The following SENP1 variants were observed in gnomAD, a reference collection of about 807,000 sequenced individuals.
The protein encoded by SENP1 is sentrin-specific protease 1.
SENP1 carries 21 observed loss-of-function variants against 93.0 expected under a neutral mutation model. The ratio of observed to expected loss-of-function variants is 0.23; its 90% CI spans 0.16 to 0.33. The LOEUF (loss-of-function observed/expected upper bound fraction) is 0.33, where lower values mean the gene tolerates loss of function less well. Among genes scored for constraint, SENP1 ranks in the 10% least tolerant of loss-of-function variants. SENP1 has a pLI of 1.00. For synonymous variants in SENP1, 256 were observed against 259.6 expected (o/e 0.99, Z 0.13); for missense variants, 591 against 758.7 (o/e 0.78, Z 2.60).
chr12:48,092,026 A>AG (rs1354843625), intron 4 of SENP1, among the ~76,000 whole-genome samples: 1 of 152,182 alleles, frequency 6.6e-6, no homozygotes, highest in East Asian at 1.9e-4. Context: ...TTTTAAAAAA[A>AG]TCAATGTTTT....
At chr12:48,047,267 A>G (rs1330314061) in intron 15 of SENP1, among the ~76,000 whole-genome samples, 5 of 152,108 alleles carry the variant, frequency 3.3e-5, no homozygotes, top group Non-Finnish European at 5.9e-5. Context: ...GTCTCTTCTA[A>G]TGTCCACTCT....
At chr12:48,105,942 C>T (rs1946532943) in intron 1 of SENP1, 86 bp downstream of exon 1, 6 of 690,194 alleles carry the variant, frequency 8.7e-6, no homozygotes, top group East Asian at 2.7e-5. Flanking sequence ...CAGTCCAGCC[C>T]GGGCCGGCTG....
In SENP1 at chr12:48,088,875, G is replaced by T; in HGVS notation, c.306C>A (p.Thr102=). The change falls in exon 5 of 18, where the codon ACC becomes ACA. Residue 102 remains threonine (T), a synonymous_variant. Transcript: ENST00000549518. The part of the protein sequence containing the change: ...QSANGQWRNS[T]PSSSSSLQKS... ...TTTGTAAAGATGAGCTTGACGATGG[G>T]GTAGAATTTCTCCATTGGCCATTTG... 6.2e-7 allele frequency: 1 copy of T among 1,604,252 alleles called. No individual in the cohort carries two copies. The highest frequency in any genetic ancestry group is 8.5e-7 in the Non-Finnish European group (1 of 1,174,970).
In SENP1 at chr12:48,098,057, G is replaced by C; in HGVS notation, c.72C>G (p.Phe24Leu). 2 of 1,613,634 alleles carry C rather than the reference G, an allele frequency of 1.2e-6. No individual in the cohort carries two copies. The highest frequency in any genetic ancestry group is 1.3e-5 in the African/African-American group (1 of 75,034). ...CTGTTTGTGGCAGGAGGTGGGTTTT[G>C]AATACGGAGTTGTGGTTCACTAAAG... ...EVTLVNHNSV[F>L]KTHLLPQTGF... Residue 24 changes from phenylalanine (F) to leucine (L), a missense_variant, in exon 3 of 18, where the codon TTC (phenylalanine) becomes TTG (leucine). Phe to Leu is a conservative substitution (Grantham distance 22). Around this residue, in one of 4 missense-constraint regions of SENP1, gnomAD observed 214 missense variants for 243.4 expected, o/e 0.88. Transcript: ENST00000549518.
At chr12:48,092,890 AG>A (rs1945302987) in intron 4 of SENP1, among the ~76,000 whole-genome samples, 1 of 152,210 alleles carries the variant, frequency 6.6e-6, no homozygotes, top group Non-Finnish European at 1.5e-5. Flanking sequence ...GTGAATATCA[AG>A]GGTTTACTAA....
intron 1 of SENP1, chr12:48,105,340 G>A: frequency 1.9e-6 from 1 of 515,870 alleles, no homozygotes. Flanking sequence ...AAAGAGAAAC[G>A]AGGCATAGAT....
intron 11 of SENP1, 142 bp from the exon 12 acceptor site, chr12:48,065,362 CA>C (rs1565760486): frequency 1.4e-6 from 1 of 726,894 alleles, no homozygotes; most frequent in South Asian, 2.0e-5. Context: ...TTTGTAAAGT[CA>C]AAAAATCATT....
At chr12:48,076,604 T>C (rs565672165) in intron 6 of SENP1, among the ~76,000 whole-genome samples, 15 of 151,982 alleles carry the variant, frequency 9.9e-5, no homozygotes, top group African/African-American at 3.1e-4. Flanking sequence ...AGTGCTGGGA[T>C]TACAGGCATG....
rs1460492726 is a variant in SENP1 at position 48,043,692 on chromosome 12, T to TC, written c.*1629dup. 6.6e-6 allele frequency: 1 copy of TC among 152,604 alleles called. No homozygotes were observed. The highest frequency in any genetic ancestry group is 1.5e-5 in the Non-Finnish European group (1 of 68,030). 9.5% of individuals were successfully genotyped at this position (152,604 alleles called of 1,614,324 possible). A position where few individuals can be genotyped will look rare whatever the true frequency, so the allele number is the denominator to read the frequency against. On this transcript the variant is annotated 3_prime_UTR_variant, in exon 18 of 18. Transcript: ENST00000549518. ...AAACAAACACACAAAAGGTGGTCTT[T>TC]CCCCAAAAGGCAGGCAGTTGAAGGG...
At chr12:48,088,077 G>A (rs925995259) in intron 5 of SENP1, among the ~76,000 whole-genome samples, 21 of 149,414 alleles carry the variant, frequency 1.4e-4, no homozygotes, top group Non-Finnish European at 2.2e-4. Context: ...TTTCTGAGAC[G>A]AGGTCACTCT....
intron 13 of SENP1, chr12:48,055,537 C>G (rs894143902): frequency 6.6e-6 from 1 of 152,102 alleles, no homozygotes; most frequent in African/African-American, 2.4e-5. Context: ...CGGAAATTTG[C>G]TGGCCTCCCC....
chr12:48,061,741 T>C (rs1942972633), intron 13 of SENP1, among the ~76,000 whole-genome samples: 1 of 152,164 alleles, frequency 6.6e-6, no homozygotes, highest in South Asian at 2.1e-4. Flanking sequence ...TATCAATACT[T>C]AAGGATACCT....
At chr12:48,047,640 T>G (rs1231954581) in intron 15 of SENP1, among the ~76,000 whole-genome samples, 1 of 152,128 alleles carries the variant, frequency 6.6e-6, no homozygotes, top group Non-Finnish European at 1.5e-5. Flanking sequence ...ATAAAGAGAT[T>G]TGCATTCTGG....
chr12:48,048,519 A>G (rs916221255), intron 14 of SENP1, among the ~76,000 whole-genome samples: 1 of 152,214 alleles, frequency 6.6e-6, no homozygotes, highest in Non-Finnish European at 1.5e-5. Context: ...ACAGACTGTG[A>G]AATAGTTTTA....
At chr12:48,054,320 C>T (rs200174388) in intron 13 of SENP1, among the ~76,000 whole-genome samples, 2 of 152,184 alleles carry the variant, frequency 1.3e-5, no homozygotes, top group African/African-American at 4.8e-5. Context: ...ATTTAGGTTG[C>T]TAAGCCTTCT....
At chr12:48,068,164 C>T (rs1217632033) in intron 9 of SENP1, among the ~76,000 whole-genome samples, 1 of 152,092 alleles carries the variant, frequency 6.6e-6, no homozygotes, top group Non-Finnish European at 1.5e-5. Context: ...CATGAGCCAC[C>T]ATGCCCAGCC....
intron 5 of SENP1, chr12:48,085,251 A>G (rs922614218): frequency 1.9e-6 from 3 of 1,552,274 alleles, no homozygotes; most frequent in African/African-American, 1.4e-5. Context: ...CACTGGCATC[A>G]TCCTCATCAA....
intron 3 of SENP1, 192 bp downstream of exon 3, chr12:48,097,802 T>G: frequency 2.0e-6 from 1 of 489,466 alleles, no homozygotes; most frequent in South Asian, 3.3e-5. Context: ...AACTCATACA[T>G]AGCCTATTTT....
rs770902436 is a variant in SENP1, at chr12:48,074,369, G to A, written c.895C>T (p.Pro299Ser). The A allele has an allele frequency of 6.2e-7, 1 of 1,613,840 alleles. No individual in the cohort carries two copies. The highest frequency in any genetic ancestry group is 8.5e-7 in the Non-Finnish European group (1 of 1,179,784). ...GCTGCTAAGTTATCTGGCTGATGTG[G>A]AACAGAGTGGTGATGATGGGGATGA... ...LHHPHHHHSV[P>S]HQPDNLAASN... The change falls in exon 8 of 18, where the codon CCA becomes TCA. Residue 299 changes from proline to serine, a missense_variant. This residue lies in a region of SENP1 where 238 missense variants were observed against 259.1 expected (regional missense o/e 0.92). Coordinates refer to ENST00000549518, the MANE Select transcript of SENP1 (RefSeq NM_001267594.2).
Sources: allele counts gnomAD v4.1 joint callset (sites outside exome capture counted in the v4.1 genomes callset), GRCh38; gene constraint gnomAD v4.1.1; regional missense constraint gnomAD v4.1.1; transcripts MANE v1.5; gene names NCBI Gene and HGNC (gene_info 2026-07-23, HGNC 2026-07-21).